OLFM3: variants seen among roughly 807,000 people sequenced by gnomAD.
The protein encoded by OLFM3 is noelin-3.
In OLFM3, 20 loss-of-function variants were observed where a neutral mutation model predicts 48.6. The ratio of observed to expected loss-of-function variants is 0.41; its 90% CI spans 0.29 to 0.60. The LOEUF is 0.60. Ranked by LOEUF, OLFM3 falls within the 20% of genes least tolerant of loss-of-function variation. The pLI is 0.28. For missense variants in OLFM3, 437 were observed against 544.3 expected, an observed-to-expected ratio of 0.80 and a Z score of 1.96; for synonymous variants, 222 against 198.1, an observed-to-expected ratio of 1.12 and a Z score of -1.01.
At chr1:101,929,284 A>C (rs1232886675) in intron 1 of OLFM3, among the ~76,000 whole-genome samples, 1 of 152,168 alleles carries the variant, frequency 6.6e-6, no homozygotes, top group East Asian at 1.9e-4. Flanking sequence ...GAATACTGCT[A>C]AGTCCTTCCA....
chr1:101,967,891 C>G (rs1219103431), intron 1 of OLFM3, among the ~76,000 whole-genome samples: 1 of 152,064 alleles, frequency 6.6e-6, no homozygotes, highest in Non-Finnish European at 1.5e-5. Context: ...GCCCCCAGCA[C>G]CCACTCTCAT....
chr1:101,938,767 A>G (rs1055250092), intron 1 of OLFM3, among the ~76,000 whole-genome samples: 1 of 152,162 alleles, frequency 6.6e-6, no homozygotes, highest in Non-Finnish European at 1.5e-5. Flanking sequence ...TGCCTCTCTC[A>G]AGGTATTTGT....
At chr1:101,867,596 G>T (rs1034524469) in intron 1 of OLFM3, among the ~76,000 whole-genome samples, 1 of 152,016 alleles carries the variant, frequency 6.6e-6, no homozygotes, top group African/African-American at 2.4e-5. Context: ...ATCCCATTAG[G>T]TCAGAATAAC....
At chr1:101,944,737 G>A (rs1033657566) in intron 1 of OLFM3, among the ~76,000 whole-genome samples, 18 of 151,890 alleles carry the variant, frequency 1.2e-4, no homozygotes, top group Admixed American at 5.9e-4. Context: ...AAAATTAGCC[G>A]GGCATGGTGG....
chr1:101,820,089 G>A (rs1466575225), intron 4 of OLFM3, among the ~76,000 whole-genome samples: 1 of 152,068 alleles, frequency 6.6e-6, no homozygotes, highest in Non-Finnish European at 1.5e-5. Context: ...ACATTAGAGA[G>A]TCAATAAATA....
intron 1 of OLFM3, among the ~76,000 whole-genome samples, chr1:101,843,142 A>G (rs1655810111): frequency 1.3e-5 from 2 of 152,232 alleles, no homozygotes; most frequent in Admixed American, 1.3e-4. Context: ...GATTCTACTC[A>G]TTTTATAGAA....
At chr1:101,883,531 ATG>A (rs1456800472) in intron 1 of OLFM3, among the ~76,000 whole-genome samples, 1 of 151,786 alleles carries the variant, frequency 6.6e-6, no homozygotes, top group African/African-American at 2.4e-5. Context: ...TTCCTTACCA[ATG>A]TGTGTCTGTG....
chr1:101,946,664 A>G (rs1441812408), intron 1 of OLFM3, among the ~76,000 whole-genome samples: 1 of 152,212 alleles, frequency 6.6e-6, no homozygotes, highest in Non-Finnish European at 1.5e-5. Context: ...TATATTAAAT[A>G]GTGTATCAGG....
intron 1 of OLFM3, among the ~76,000 whole-genome samples, chr1:101,861,309 G>A (rs1052563525): frequency 1.3e-5 from 2 of 151,130 alleles, no homozygotes; most frequent in African/African-American, 4.9e-5. Context: ...TGATTTGGCC[G>A]CCCCGGCCTC....
At chr1:101,833,978 A>G (rs754619795) in intron 2 of OLFM3, among the ~76,000 whole-genome samples, 4 of 152,254 alleles carry the variant, frequency 2.6e-5, no homozygotes, top group Non-Finnish European at 5.9e-5. Context: ...AATACAAGAC[A>G]TCTTTAACTG....
At chr1:101,958,834 ATTAT>A (rs1660379044) in intron 1 of OLFM3, among the ~76,000 whole-genome samples, 1 of 41,052 alleles carries the variant, frequency 2.4e-5, no homozygotes, top group Non-Finnish European at 5.5e-5. Context: ...ACAAAGTGAT[ATTAT>A]ATATATATAT....
At chr1:101,904,681 G>A (rs1201347646) in intron 1 of OLFM3, among the ~76,000 whole-genome samples, 3 of 152,074 alleles carry the variant, frequency 2.0e-5, no homozygotes, top group Admixed American at 1.3e-4. Flanking sequence ...ACAAATGACT[G>A]TTTTCCAAAG....
chr1:101,870,949 A>T (rs1657056388), intron 1 of OLFM3, among the ~76,000 whole-genome samples: 2 of 148,320 alleles, frequency 1.3e-5, no homozygotes, highest in Admixed American at 6.6e-5. Context: ...CTCTTTTTTT[A>T]AAAAGAAAAA....
At chr1:101,900,566 G>A (rs908265669) in intron 1 of OLFM3, among the ~76,000 whole-genome samples, 6 of 152,022 alleles carry the variant, frequency 3.9e-5, no homozygotes, top group African/African-American at 1.4e-4. Flanking sequence ...TTAGTGTAAA[G>A]GCAAGAAAGT....
At chr1:101,860,630 A>G (rs967939471) in intron 1 of OLFM3, among the ~76,000 whole-genome samples, 1 of 152,182 alleles carries the variant, frequency 6.6e-6, no homozygotes, top group Non-Finnish European at 1.5e-5. Context: ...GTATTTGGTC[A>G]GACCAGTTCT....
At chr1:101,814,709 C>T (rs968501895) in intron 4 of OLFM3, among the ~76,000 whole-genome samples, 37 of 152,112 alleles carry the variant, frequency 2.4e-4, no homozygotes, top group Admixed American at 3.3e-4. Context: ...ATCCCTTATT[C>T]GCTGGAGACC....
At chr1:101,963,837 GT>G (rs571907905) in intron 1 of OLFM3, among the ~76,000 whole-genome samples, 19 of 150,424 alleles carry the variant, frequency 1.3e-4, no homozygotes, top group South Asian at 2.1e-4. Flanking sequence ...TTTAGGTTTT[GT>G]TTTTTTTTCT....
At chr1:101,814,096 A>G (rs1654211927) in intron 4 of OLFM3, among the ~76,000 whole-genome samples, 1 of 152,132 alleles carries the variant, frequency 6.6e-6, no homozygotes, top group African/African-American at 2.4e-5. Context: ...GACCATGTAA[A>G]GTGGTCTTTT....
At chr1:101,993,953 GAAA>G (rs11394644) in intron 1 of OLFM3, among the ~76,000 whole-genome samples, 1 of 115,360 alleles carries the variant, frequency 8.7e-6, no homozygotes, top group Admixed American at 8.6e-5. Context: ...TTCAGCGACA[GAAA>G]AAAAAAAAAA....
Sources: allele counts gnomAD v4.1 joint callset (sites outside exome capture counted in the v4.1 genomes callset), GRCh38; gene constraint gnomAD v4.1.1; transcripts MANE v1.5; gene names NCBI Gene and HGNC (gene_info 2026-07-23, HGNC 2026-07-21).